The following TNFSF4 variants were observed in gnomAD, a reference collection of about 807,000 sequenced individuals.
TNFSF4 encodes the protein TNF superfamily member 4, also known as tumor necrosis factor ligand superfamily member 4.
TNFSF4 carries 4 observed loss-of-function variants against 7.3 expected under a neutral mutation model. The ratio of observed to expected loss-of-function variants is 0.55; its 90% CI spans 0.27 to 1.25. TNFSF4 has a LOEUF of 1.25. Ranked by LOEUF, TNFSF4 falls within the 50% of genes most tolerant of loss-of-function variation. The probability of loss-of-function intolerance (pLI) is 0.12; values close to 1 mark genes in which losing one functional copy is unlikely to be tolerated. For missense variants in TNFSF4, 181 were observed against 208.8 expected (o/e 0.87, Z 0.82); for synonymous variants, 76 against 83.7 (o/e 0.91, Z 0.50).
the TNFSF4 span, among the ~76,000 whole-genome samples, chr1:173,429,494 T>G: frequency 6.6e-6 from 1 of 152,202 alleles, no homozygotes; most frequent in Non-Finnish European, 1.5e-5. Flanking sequence ...ACCCCGTCCT[T>G]TGTTAGATGC....
the TNFSF4 span, among the ~76,000 whole-genome samples, chr1:173,415,931 C>T: frequency 3.3e-5 from 5 of 152,098 alleles, no homozygotes; most frequent in African/African-American, 9.7e-5. Context: ...GACAGCTGTG[C>T]AAAACTGGTG....
the TNFSF4 span, among the ~76,000 whole-genome samples, chr1:173,290,518 GTTCAA>G: frequency 6.6e-6 from 1 of 152,058 alleles, no homozygotes; most frequent in African/African-American, 2.4e-5. Flanking sequence ...ATGATAAAGA[GTTCAA>G]TTCAACAAGA....
the TNFSF4 span, among the ~76,000 whole-genome samples, chr1:173,375,393 C>A: frequency 6.6e-6 from 1 of 152,182 alleles, no homozygotes; most frequent in African/African-American, 2.4e-5. Context: ...TTCCCAACAG[C>A]AGTTGGGGTG....
chr1:173,407,496 G>A, the TNFSF4 span, among the ~76,000 whole-genome samples: 1 of 144,812 alleles, frequency 6.9e-6, no homozygotes, highest in Non-Finnish European at 1.5e-5. Flanking sequence ...GGAAGTGGAG[G>A]TTGCAATGAG....
At chr1:173,297,318 G>GA in the TNFSF4 span, among the ~76,000 whole-genome samples, 9 of 150,554 alleles carry the variant, frequency 6.0e-5, no homozygotes, top group Non-Finnish European at 7.4e-5. Context: ...GGCAACACAC[G>GA]AAAAAAAAAG....
chr1:173,219,477 C>T, the TNFSF4 span, among the ~76,000 whole-genome samples: 131 of 152,142 alleles, frequency 8.6e-4, 1 homozygote, highest in African/African-American at 2.9e-3. Context: ...GTAGAGATTC[C>T]GTAAAGAACT....
At chr1:173,239,406 T>C in the TNFSF4 span, among the ~76,000 whole-genome samples, 4 of 152,228 alleles carry the variant, frequency 2.6e-5, no homozygotes, top group Non-Finnish European at 5.9e-5. Context: ...ACGCAGGGCA[T>C]AGGAATCTTA....
At chr1:173,306,601 C>G in the TNFSF4 span, among the ~76,000 whole-genome samples, 1 of 151,808 alleles carries the variant, frequency 6.6e-6, no homozygotes, top group African/African-American at 2.4e-5. Flanking sequence ...AGGAACACTT[C>G]CTACACTTCC....
At chr1:173,351,664 G>C in the TNFSF4 span, 1 of 275,704 alleles carries the variant, frequency 3.6e-6, no homozygotes, top group Non-Finnish European at 6.7e-6. Context: ...ATGTTAAGAG[G>C]GAAGTTTATA....
At chr1:173,324,110 C>T in the TNFSF4 span, among the ~76,000 whole-genome samples, 13 of 152,128 alleles carry the variant, frequency 8.5e-5, no homozygotes, top group African/African-American at 3.1e-4. Flanking sequence ...AGCAGCCAGA[C>T]AGAAAGGTCG....
chr1:173,206,921 C>G (rs185766346), intron 1 of TNFSF4, 103 bp downstream of exon 1: 260 of 1,354,636 alleles, frequency 1.9e-4, no homozygotes, highest in Non-Finnish European at 6.4e-5. Flanking sequence ...AAAAAAAACT[C>G]AACACTTTTG....
the TNFSF4 span, among the ~76,000 whole-genome samples, chr1:173,227,632 G>T: frequency 6.6e-6 from 1 of 152,212 alleles, no homozygotes; most frequent in African/African-American, 2.4e-5. Context: ...CCAAAGCAGG[G>T]CGAGGCATCG....
At chr1:173,222,838 C>T in the TNFSF4 span, among the ~76,000 whole-genome samples, 1 of 152,138 alleles carries the variant, frequency 6.6e-6, no homozygotes, top group Non-Finnish European at 1.5e-5. Flanking sequence ...GGGGTAAAAG[C>T]AAGACCATGG....
the TNFSF4 span, among the ~76,000 whole-genome samples, chr1:173,391,616 C>T: frequency 2.0e-5 from 3 of 152,124 alleles, no homozygotes; most frequent in African/African-American, 4.8e-5. Flanking sequence ...CTCCTCCCAC[C>T]CCCTGAGAAA....
chr1:173,380,761 C>A, the TNFSF4 span, among the ~76,000 whole-genome samples: 1 of 152,084 alleles, frequency 6.6e-6, no homozygotes, highest in Non-Finnish European at 1.5e-5. Context: ...TCCCAACGCC[C>A]CTTTCCAGCC....
the TNFSF4 span, among the ~76,000 whole-genome samples, chr1:173,318,424 C>T: frequency 1.3e-5 from 2 of 152,140 alleles, no homozygotes; most frequent in Non-Finnish European, 2.9e-5. Flanking sequence ...CCTCCCTGAA[C>T]AATTCACTCC....
chr1:173,449,397 A>G, the TNFSF4 span, among the ~76,000 whole-genome samples: 1 of 148,508 alleles, frequency 6.7e-6, no homozygotes, highest in Non-Finnish European at 1.5e-5. Flanking sequence ...TCTATTACCC[A>G]GGCTGGAGTG....
chr1:173,196,312 T>C (rs1360509574), intron 1 of TNFSF4, among the ~76,000 whole-genome samples: 3 of 152,206 alleles, frequency 2.0e-5, no homozygotes, highest in African/African-American at 7.2e-5. Flanking sequence ...GAAAACCTTG[T>C]TGGATAACGA....
chr1:173,403,112 A>G, the TNFSF4 span, among the ~76,000 whole-genome samples: 1 of 152,188 alleles, frequency 6.6e-6, no homozygotes, highest in Admixed American at 6.5e-5. Context: ...TCAGCCTCCC[A>G]AAGTGCCAGG....
Sources: allele counts gnomAD v4.1 joint callset (sites outside exome capture counted in the v4.1 genomes callset), GRCh38; gene constraint gnomAD v4.1.1; transcripts MANE v1.5; gene names NCBI Gene and HGNC (gene_info 2026-07-23, HGNC 2026-07-21).